The following PTS variants were observed in gnomAD, a reference collection of about 807,000 sequenced individuals.
The protein encoded by PTS is 6-pyruvoyl tetrahydrobiopterin synthase.
PTS carries 23 observed loss-of-function variants against 20.6 expected under a neutral mutation model. That is an observed-to-expected ratio of 1.12 (90% CI 0.80 to 1.58). PTS has a LOEUF of 1.58. Ranked by LOEUF, PTS falls within the 40% of genes most tolerant of loss-of-function variation. The pLI is 0.00. For missense variants in PTS, 186 were observed against 182.4 expected, an observed-to-expected ratio of 1.02 and a Z score of -0.11; for synonymous variants, 65 against 62.5, an observed-to-expected ratio of 1.04 and a Z score of -0.19.
chr11:112,227,154 C>G (rs1023257312), intron 1 of PTS, among the ~76,000 whole-genome samples: 3 of 151,734 alleles, frequency 2.0e-5, no homozygotes, highest in African/African-American at 4.8e-5. Context: ...CATGCACTGA[C>G]GAGTTGATTT....
Position 112,228,615 on chromosome 11 carries a change from A to C in PTS, c.105A>C (p.Glu35Asp). 1.2e-6 allele frequency: 2 copies of C among 1,609,376 alleles called. No homozygotes were observed. Among genetic ancestry groups the C allele is most frequent in the South Asian group, 2.2e-5 (2 of 90,524 alleles). ...RLYSKFLSDE[E>D]NLKLFGKCNN... The stretch of plus-strand genomic sequence containing the variant: ...TCAGTAAATTTCTAAGTGATGAAGA[A>C]AACTTGAAACTGTTTGGGAAATGCA... Residue 35 changes from glutamate to aspartate, a missense_variant, in exon 2 of 6, where the codon GAA becomes GAC. Physicochemically the swap from Glu to Asp is conservative, Grantham distance 45 (BLOSUM62 2). Transcript: ENST00000280362.
At chr11:112,229,863 A>G (rs908042120) in intron 2 of PTS, among the ~76,000 whole-genome samples, 2 of 152,204 alleles carry the variant, frequency 1.3e-5, no homozygotes, top group Non-Finnish European at 2.9e-5. Flanking sequence ...GGACACCTGA[A>G]AGACATTTTC....
chr11:112,227,859 A>G (rs918540857), intron 1 of PTS, among the ~76,000 whole-genome samples: 1 of 84,354 alleles, frequency 1.2e-5, no homozygotes, highest in Non-Finnish European at 3.0e-5. Context: ...TCCAAACTAC[A>G]TTGGGGGGAA....
rs952380619 is a variant in PTS, at chr11:112,226,635, G to T, written c.83+109G>T. The T allele has an allele frequency of 4.7e-6, 4 of 845,638 alleles. No individual in the cohort carries two copies. In the Admixed American group the frequency reaches 1.8e-4, roughly 38 times the overall value. 52.4% of individuals were successfully genotyped at this position (845,638 alleles called of 1,614,324 possible). ...ACGTCGGGCCCGGGAGGGGCGCGGG[G>T]GCTGCTGGGGCGACGCGCGCTGGTC... On this transcript the variant is annotated intron_variant, in intron 1 of 5. Transcript: ENST00000280362.
In PTS at chr11:112,233,139, ATTTTCCCTTGG is replaced by A; in HGVS notation, c.244-19_244-9del. The stretch of plus-strand genomic sequence containing the variant: ...TTGAGTCGTAAATGGAGTCAATGAT[ATTTTCCCTTGG>A]TTTTGTCTCTAGGAGGCGATTATGC... On this transcript the variant is annotated splice_polypyrimidine_tract_variant and intron_variant, in intron 4 of 5. Transcript: ENST00000280362. 3 of 1,600,966 alleles carry A rather than the reference ATTTTCCCTTGG, an allele frequency of 1.9e-6. No homozygotes were observed. Among genetic ancestry groups the A allele is most frequent in the Non-Finnish European group, 2.6e-6 (3 of 1,168,084 alleles).
At chr11:112,229,768 A>G (rs1859906476) in intron 2 of PTS, among the ~76,000 whole-genome samples, 1 of 152,190 alleles carries the variant, frequency 6.6e-6, no homozygotes, top group African/African-American at 2.4e-5. Context: ...CATTCATGTG[A>G]GTAAGGGGAC....
At chr11:112,230,878 G>A (rs1300343980) in intron 4 of PTS, among the ~76,000 whole-genome samples, 196 bp downstream of exon 4, 1 of 152,228 alleles carries the variant, frequency 6.6e-6, no homozygotes, top group Non-Finnish European at 1.5e-5. Context: ...ACGGAAATTA[G>A]TCACAGTTGT....
chr11:112,227,069 A>T (rs1238093723), intron 1 of PTS, among the ~76,000 whole-genome samples: 3 of 151,620 alleles, frequency 2.0e-5, no homozygotes, highest in Non-Finnish European at 2.9e-5. Flanking sequence ...AGAAAAAAAA[A>T]AAAAAATGAG....
intron 4 of PTS, 30 bp from the exon 5 acceptor site, chr11:112,233,133 A>C: frequency 6.3e-7 from 1 of 1,590,692 alleles, no homozygotes; most frequent in East Asian, 2.2e-5. Flanking sequence ...AAATGGAGTC[A>C]ATGATATTTT....
At chr11:112,230,492 T>C (rs1273749897) in intron 3 of PTS, 134 bp from the exon 4 acceptor site, 5 of 879,116 alleles carry the variant, frequency 5.7e-6, no homozygotes, top group African/African-American at 3.3e-5. Flanking sequence ...CTGAGGTCAA[T>C]GATTATCTCT....
At chr11:112,232,275 A>T (rs1048910974) in intron 4 of PTS, among the ~76,000 whole-genome samples, 5 of 152,232 alleles carry the variant, frequency 3.3e-5, no homozygotes, top group African/African-American at 1.2e-4. Flanking sequence ...AAAGCCCTGC[A>T]TAAGAGGCTT....
rs1261610836 is a variant in PTS at position 112,230,222 on chromosome 11, C to T, written c.178C>T (p.His60Tyr). The T allele has an allele frequency of 3.1e-6, 5 of 1,613,534 alleles. No individual in the cohort carries two copies. Among genetic ancestry groups the T allele is most frequent in the Non-Finnish European group, 4.2e-6 (5 of 1,179,546 alleles). The change falls in exon 3 of 6, where the codon CAT becomes TAT. Residue 60 changes from histidine to tyrosine, a missense_variant. Transcript: ENST00000280362. ...GHNYKVVVTVHGEIDPATGMV... is the reference protein window; with the variant it reads ...GHNYKVVVTVYGEIDPATGMV... ...TCTTTCCATAGTTGTGGTGACAGTA[C>T]ATGGAGAGGTATGTGCAGAAAATAT...
intron 4 of PTS, among the ~76,000 whole-genome samples, chr11:112,231,815 T>C (rs1859937894): frequency 7.0e-6 from 1 of 143,478 alleles, no homozygotes; most frequent in Non-Finnish European, 1.5e-5. Context: ...TTAGGAAAGT[T>C]ATACAGATAG....
In PTS at chr11:112,230,211, T is replaced by C; in HGVS notation, c.167T>C (p.Val56Ala). The C allele has an allele frequency of 6.2e-7, 1 of 1,613,650 alleles. No homozygotes were observed. The highest frequency in any genetic ancestry group is 8.5e-7 in the Non-Finnish European group (1 of 1,179,554). The change falls in exon 3 of 6, where the codon GTG (valine) becomes GCG (alanine). Residue 56 changes from valine to alanine, a missense_variant. Val to Ala is a moderately conservative substitution (Grantham distance 64). Transcript: ENST00000280362. ...GTATTTTGTTTTCTTTCCATAGTTG[T>C]GGTGACAGTACATGGAGAGGTATGT... ...PNGHGHNYKV[V>A]VTVHGEIDPA...
intron 1 of PTS, 38 bp from the exon 2 acceptor site, chr11:112,228,556 C>T: frequency 3.9e-6 from 6 of 1,526,698 alleles, no homozygotes; most frequent in Non-Finnish European, 5.4e-6. Flanking sequence ...GAATGTGATA[C>T]TTGTGTCATG....
rs773715386 is a variant in PTS, at chr11:112,233,155, G to T, written c.244-8G>T. The T allele has an allele frequency of 1.2e-6, 2 of 1,612,288 alleles. No individual in the cohort carries two copies. ...GTCAATGATATTTTCCCTTGGTTTT[G>T]TCTCTAGGAGGCGATTATGCAGCCC... is the stretch of plus-strand genomic sequence containing the variant. On this transcript the variant is annotated splice_polypyrimidine_tract_variant and splice_region_variant and intron_variant, in intron 4 of 5. Transcript: ENST00000280362.
rs141163668 is a variant in PTS, at chr11:112,233,484, C to T, written c.367C>T (p.Pro123Ser). 3 of 1,613,020 alleles carry T rather than the reference C, an allele frequency of 1.9e-6. No individual in the cohort carries two copies. The highest frequency in any genetic ancestry group is 8.5e-7 in the Non-Finnish European group (1 of 1,179,748). The change falls in exon 6 of 6, where the codon CCT (proline) becomes TCT (serine). Residue 123 changes from proline to serine, a missense_variant. Physicochemically the swap from Pro to Ser is moderately conservative, Grantham distance 74. Transcript: ENST00000280362. ...CTGGGACAACCTCCAGAAAGTTCTT[C>T]CTGTAGGAGTTCTTTATAAAGTAAA... ...YIWDNLQKVLPVGVLYKVKVY... is the reference protein window; with the variant it reads ...YIWDNLQKVLSVGVLYKVKVY...
chr11:112,231,135 C>T (rs1305094672), intron 4 of PTS, among the ~76,000 whole-genome samples: 1 of 151,924 alleles, frequency 6.6e-6, no homozygotes. Flanking sequence ...CTTGACCTCC[C>T]AAAGTGCTGG....
chr11:112,232,652 T>G (rs1859954889), intron 4 of PTS, among the ~76,000 whole-genome samples: 1 of 152,150 alleles, frequency 6.6e-6, no homozygotes, highest in Admixed American at 6.6e-5. Flanking sequence ...ATATATATAT[T>G]TTTCCTTCTA....
Sources: allele counts gnomAD v4.1 joint callset (sites outside exome capture counted in the v4.1 genomes callset), GRCh38; gene constraint gnomAD v4.1.1; transcripts MANE v1.5; gene names NCBI Gene and HGNC (gene_info 2026-07-23, HGNC 2026-07-21).